The following TEKT1 variants were observed in gnomAD, a reference collection of about 807,000 sequenced individuals.
TEKT1 encodes tektin 1.
A neutral mutation model predicts 34.8 loss-of-function variants in TEKT1; 32 were observed. The ratio of observed to expected loss-of-function variants is 0.92; its 90% CI spans 0.69 to 1.23. The LOEUF is 1.23. Among genes scored for constraint, TEKT1 ranks in the 50% most tolerant of loss-of-function variants. The pLI is 0.00. For synonymous variants in TEKT1, 207 were observed against 199.8 expected, an observed-to-expected ratio of 1.04 and a Z score of -0.30; for missense variants, 492 against 518.5, an observed-to-expected ratio of 0.95 and a Z score of 0.50.
chr17:6,822,992 T>C (rs1010722308), intron 2 of TEKT1, among the ~76,000 whole-genome samples: 3 of 152,228 alleles, frequency 2.0e-5, no homozygotes, highest in African/African-American at 7.2e-5. Flanking sequence ...GCCAGTTACT[T>C]TCTACTTTCT....
At chr17:6,802,689 G>T (rs1390910534) in intron 6 of TEKT1, among the ~76,000 whole-genome samples, 1 of 143,624 alleles carries the variant, frequency 7.0e-6, no homozygotes, top group Non-Finnish European at 1.5e-5. Context: ...GTGTCCATGT[G>T]TTCTCATTGT....
rs145821216 is a variant in TEKT1, at chr17:6,815,955, G to A, written c.364C>T (p.Arg122Cys). The change falls in exon 4 of 8, where the codon CGC becomes TGC. Residue 122 changes from arginine to cysteine, a missense_variant. Arg to Cys is a radical substitution (Grantham distance 180). Coordinates refer to ENST00000338694, the MANE Select transcript of TEKT1 (RefSeq NM_053285.2). The stretch of plus-strand genomic sequence containing the variant: ...TCGTGCACCAGGTCAATGCCAATGC[G>A]CTTCTCCCTGGCAGGGGGAAAGGCA... ...TETCLAYREKRIGIDLVHDTV... is the reference protein window; with the variant it reads ...TETCLAYREKCIGIDLVHDTV... 126 of 1,613,726 alleles carry A rather than the reference G, an allele frequency of 7.8e-5. No homozygotes were observed. Among genetic ancestry groups the A allele is most frequent in the Middle Eastern group, 3.3e-4 (2 of 6,082 alleles).
intron 3 of TEKT1, 42 bp from the exon 4 acceptor site, chr17:6,816,004 A>G: frequency 6.2e-7 from 1 of 1,610,386 alleles, no homozygotes; most frequent in African/African-American, 1.3e-5. Flanking sequence ...CACGTGCAAC[A>G]TGAGGTGACT....
At chr17:6,803,254 CTTCTT>C (rs1243450320) in intron 6 of TEKT1, among the ~76,000 whole-genome samples, 4 of 152,138 alleles carry the variant, frequency 2.6e-5, no homozygotes, top group Non-Finnish European at 5.9e-5. Context: ...GCATAAATAT[CTTCTT>C]TTGAGAAGTG....
rs187074143 is a variant in TEKT1, at chr17:6,807,943, C to T, written c.852+4888G>A. ...GACCCACTTGAGGAGGCAGTCTGTC[C>T]GTTCTCAGATCTCCAGCTGCATGCT... On this transcript the variant is annotated intron_variant, in intron 6 of 7. Coordinates refer to ENST00000338694, the MANE Select transcript of TEKT1 (RefSeq NM_053285.2). Among the ~76,000 whole-genome samples the T allele has an allele frequency of 1.2e-4, 19 of 152,296 alleles. 1 individual carries two copies. Among genetic ancestry groups the T allele is most frequent in the South Asian group, 2.1e-4 (1 of 4,828 alleles).
chr17:6,830,215 T>C lies in TEKT1; in HGVS notation c.162A>G (p.Lys54=). The C allele has an allele frequency of 6.2e-7, 1 of 1,609,766 alleles. No individual in the cohort carries two copies. The change falls in exon 2 of 8, where the codon AAA becomes AAG. Residue 54 remains lysine (K), a synonymous_variant. Transcript: ENST00000338694. ...LVDEIEKTTR[K]SQSDVNKKLE... is the part of the protein sequence containing the mutation. The stretch of plus-strand genomic sequence containing the variant: ...GTTTCTTGTTCACATCGCTTTGAGA[T>C]TTTCTTGTGGTCTTTTCAATTTCAT...
At position 6,830,358 on chromosome 17, in the gene TEKT1, G is replaced by C. The variant is rs201163916; in HGVS notation, c.19C>G (p.Pro7Ala). 6.3e-7 allele frequency: 1 copy of C among 1,586,664 alleles called. No individual in the cohort carries two copies. The highest frequency in any genetic ancestry group is 1.4e-5 in the African/African-American group (1 of 73,202). Residue 7 changes from proline (P) to alanine (A), a missense_variant, in exon 2 of 8, where the codon CCT becomes GCT. Physicochemically the swap from Pro to Ala is conservative, Grantham distance 27. Transcript: ENST00000338694. MAKLLQPPPKFLPSEWH... is the reference protein window; with the variant it reads MAKLLQAPPKFLPSEWH... Reference sequence around the variant, plus strand: ...TCTGAGGGCAGGAACTTGGGTGGAGGTTGTAATAGTTTAGCCATTTGAGGT... The same window carrying C: ...TCTGAGGGCAGGAACTTGGGTGGAGCTTGTAATAGTTTAGCCATTTGAGGT...
At chr17:6,816,207 TTCTC>T (rs1236665388) in intron 3 of TEKT1, among the ~76,000 whole-genome samples, 1 of 152,170 alleles carries the variant, frequency 6.6e-6, no homozygotes, top group Non-Finnish European at 1.5e-5. Flanking sequence ...GGACTTTTTT[TTCTC>T]TCTCTCTTTT....
chr17:6,817,173 G>A (rs1279107266), intron 3 of TEKT1, among the ~76,000 whole-genome samples: 1 of 151,996 alleles, frequency 6.6e-6, no homozygotes, highest in Non-Finnish European at 1.5e-5. Flanking sequence ...GTCGGGAGTT[G>A]GAGACCAGCC....
Position 6,800,066 on chromosome 17 carries a change from C to G in TEKT1, c.1218G>C (p.Gly406=). The G allele has an allele frequency of 3.1e-6, 5 of 1,612,376 alleles. No homozygotes were observed. Among genetic ancestry groups the G allele is most frequent in the Non-Finnish European group, 4.2e-6 (5 of 1,180,004 alleles). Residue 406 remains glycine, a synonymous_variant, in exon 8 of 8, where the codon GGG becomes GGC. Transcript: ENST00000338694. The part of the protein sequence containing the change: ...SIPLRDGEDH[G]VWAGGLRPDA... ...CAGGGCGGAGGCCCCCAGCCCAGAC[C>G]CCATGGTCTTCCCCATCCCGAAGTG... is the stretch of plus-strand genomic sequence containing the variant.
At chr17:6,802,195 G>A (rs1976783328) in intron 6 of TEKT1, among the ~76,000 whole-genome samples, 1 of 152,108 alleles carries the variant, frequency 6.6e-6, no homozygotes, top group African/African-American at 2.4e-5. Flanking sequence ...TCCCAATGAG[G>A]TCCAGAAATT....
At chr17:6,804,337 T>G (rs1335397766) in intron 6 of TEKT1, among the ~76,000 whole-genome samples, 2 of 151,936 alleles carry the variant, frequency 1.3e-5, no homozygotes, top group African/African-American at 4.8e-5. Context: ...CTGAAGTTGC[T>G]TATCAGCTTA....
intron 1 of TEKT1, 46 bp from the exon 2 acceptor site, chr17:6,830,439 C>G: frequency 3.9e-6 from 5 of 1,286,558 alleles, no homozygotes; most frequent in African/African-American, 1.5e-5. Flanking sequence ...GCAATTTGTC[C>G]TTTTTTATGA....
intron 5 of TEKT1, chr17:6,814,864 C>A: frequency 8.0e-6 from 2 of 248,790 alleles, no homozygotes; most frequent in Non-Finnish European, 1.5e-5. Flanking sequence ...GGGAAATTCA[C>A]TTGCTCTTCC....
rs754502444 is a variant in TEKT1, at chr17:6,830,352, G to A, written c.25C>T (p.Pro9Ser). MAKLLQPP[P>S]KFLPSEWHIA... ...TGCCACTCTGAGGGCAGGAACTTGG[G>A]TGGAGGTTGTAATAGTTTAGCCATT... Residue 9 changes from proline to serine, a missense_variant, in exon 2 of 8, where the codon CCC (proline) becomes TCC (serine). By Grantham distance (74) the Pro-to-Ser change is moderately conservative (BLOSUM62 -1). Coordinates refer to ENST00000338694, the MANE Select transcript of TEKT1 (RefSeq NM_053285.2). The A allele has an allele frequency of 6.9e-5, 110 of 1,596,390 alleles. No individual in the cohort carries two copies. The highest frequency in any genetic ancestry group is 1.7e-4 in the Middle Eastern group (1 of 6,044).
chr17:6,810,796 T>C (rs182543303), intron 6 of TEKT1, among the ~76,000 whole-genome samples: 1 of 152,338 alleles, frequency 6.6e-6, no homozygotes, highest in East Asian at 1.9e-4. Flanking sequence ...TGGAGCACAA[T>C]GGCACAATCT....
chr17:6,825,326 C>T (rs1279819458), intron 2 of TEKT1, among the ~76,000 whole-genome samples: 3 of 152,144 alleles, frequency 2.0e-5, no homozygotes, highest in African/African-American at 7.2e-5. Flanking sequence ...TCCAATCTGA[C>T]GGTGCTTTAT....
chr17:6,816,619 T>A (rs1328058902), intron 3 of TEKT1, among the ~76,000 whole-genome samples: 1 of 152,194 alleles, frequency 6.6e-6, no homozygotes, highest in East Asian at 1.9e-4. Flanking sequence ...ATTTTCTTAA[T>A]CTAGTCTATT....
intron 2 of TEKT1, among the ~76,000 whole-genome samples, chr17:6,820,482 TA>T (rs983816766): frequency 9.0e-4 from 136 of 151,436 alleles, no homozygotes; most frequent in Non-Finnish European, 1.5e-3. Flanking sequence ...GACTCTGTTT[TA>T]AAAAAAAATG....
Sources: gnomAD v4.1 joint callset for allele counts (sites outside exome capture counted in the v4.1 genomes callset) on GRCh38, gnomAD v4.1.1 for gene constraint, MANE v1.5 for transcripts, NCBI Gene and HGNC (gene_info 2026-07-23, HGNC 2026-07-21) for gene names.